Variants in MICAL3 observed in about 807,000 individuals in gnomAD.
The protein encoded by MICAL3 is [F-actin]-monooxygenase MICAL3.
In MICAL3, 62 loss-of-function variants were observed where a neutral mutation model predicts 207.4. The ratio of observed to expected loss-of-function variants is 0.30; its 90% confidence interval spans 0.24 to 0.37. The LOEUF is 0.37. Ranked by LOEUF, MICAL3 falls within the 10% of genes least tolerant of loss-of-function variation. The probability of loss-of-function intolerance (pLI) is 1.00; values close to 1 mark genes in which losing one functional copy is unlikely to be tolerated. For synonymous variants in MICAL3, 1,077 were observed against 1,069.3 expected, an observed-to-expected ratio of 1.01 and a Z score of -0.14; for missense variants, 2,368 against 2,635.6, an observed-to-expected ratio of 0.90 and a Z score of 2.22.
intron 16 of MICAL3, among the ~76,000 whole-genome samples, chr22:17,880,373 G>A (rs991303238): frequency 6.6e-6 from 1 of 152,234 alleles, no homozygotes. Context: ...CTTTCCAGGC[G>A]ACAGCGGACG....
At chr22:17,885,762 T>A in intron 16 of MICAL3, 116 bp downstream of exon 16, 1 of 1,091,152 alleles carries the variant, frequency 9.2e-7, no homozygotes, top group Non-Finnish European at 1.4e-6. Flanking sequence ...GAAAGCCAGA[T>A]GCCAGCCCAC....
intron 19 of MICAL3, among the ~76,000 whole-genome samples, chr22:17,849,175 G>A (rs898877369): frequency 3.3e-5 from 5 of 151,898 alleles, no homozygotes; most frequent in Non-Finnish European, 5.9e-5. Flanking sequence ...ACGACGACAG[G>A]CAGGCTCTAC....
At chr22:17,858,506 C>G (rs1926169996) in intron 19 of MICAL3, 1 of 984,256 alleles carries the variant, frequency 1.0e-6, no homozygotes, top group Non-Finnish European at 1.2e-6. Context: ...CCGTTCAGAG[C>G]TCCACATGGG....
chr22:17,804,406 AC>A (rs2145975243), intron 29 of MICAL3, among the ~76,000 whole-genome samples: 2 of 152,278 alleles, frequency 1.3e-5, no homozygotes, highest in African/African-American at 4.8e-5. Context: ...TTGCAGACCC[AC>A]TTTTGCCGAA....
At chr22:17,851,678 C>A (rs2146102306) in intron 19 of MICAL3, among the ~76,000 whole-genome samples, 1 of 152,304 alleles carries the variant, frequency 6.6e-6, no homozygotes, top group South Asian at 2.1e-4. Context: ...TCCCCAAGAA[C>A]AAATGGGAAC....
At chr22:17,950,152 G>GGGTACAGCTGTCTATTTTTTTTTTT (rs1934261228) in intron 1 of MICAL3, among the ~76,000 whole-genome samples, 1 of 147,606 alleles carries the variant, frequency 6.8e-6, no homozygotes, top group Non-Finnish European at 1.5e-5. Flanking sequence ...GTCATTCACA[G>GGGTACAGCTGTCTATTTTTTTTTTT]GGTACAGCTG....
intron 1 of MICAL3, among the ~76,000 whole-genome samples, chr22:17,915,822 C>A (rs372173777): frequency 6.6e-6 from 1 of 151,872 alleles, no homozygotes; most frequent in Admixed American, 6.6e-5. Flanking sequence ...CTGGGTGTGG[C>A]GACTGATGAC....
chr22:17,860,696 GGCA>G, intron 19 of MICAL3: 1 of 985,426 alleles, frequency 1.0e-6, no homozygotes, highest in South Asian at 4.7e-5. Context: ...GTGGTGTCCT[GGCA>G]GCAGCAGCCC....
Position 17,906,695 on chromosome 22 carries a change from C to A in MICAL3, c.118G>T (p.Glu40Ter). ...KAFQELCDHL[E>*]LKPKDYRSFY... ...GAGCGGTAGTCCTTTGGCTTTAGTT[C>A]CAGGTGGTCACAGAGCTCCTGGAAA... The change falls in exon 2 of 32, where the codon GAA becomes TAA. Residue 40 changes from glutamate to a stop codon, truncating the protein, a stop_gained. Transcript: ENST00000441493. LOFTEE classifies it high-confidence loss of function. 6.2e-7 allele frequency: 1 copy of A among 1,613,934 alleles called. No homozygotes were observed. The highest frequency in any genetic ancestry group is 8.5e-7 in the Non-Finnish European group (1 of 1,179,886).
intron 16 of MICAL3, chr22:17,872,845 T>G: frequency 6.3e-7 from 1 of 1,599,160 alleles, no homozygotes; most frequent in South Asian, 1.1e-5. Flanking sequence ...GTGTACATCT[T>G]TATATACTTC....
At chr22:17,854,115 T>A (rs1925630996) in intron 19 of MICAL3, among the ~76,000 whole-genome samples, 1 of 152,218 alleles carries the variant, frequency 6.6e-6, no homozygotes, top group African/African-American at 2.4e-5. Flanking sequence ...GTCAATGTCA[T>A]GTCCTTTCTT....
chr22:17,907,466 C>T (rs1275910896), intron 1 of MICAL3, among the ~76,000 whole-genome samples: 1 of 152,166 alleles, frequency 6.6e-6, no homozygotes, highest in East Asian at 1.9e-4. Context: ...AGCAGTGAGC[C>T]CCTTCCTCAC....
chr22:17,816,921 A>T (rs1921053921), intron 26 of MICAL3, 137 bp from the exon 27 acceptor site: 4 of 710,514 alleles, frequency 5.6e-6, no homozygotes, highest in Non-Finnish European at 9.5e-6. Context: ...TCCATCCCCC[A>T]TCCTGGGGAG....
At chr22:17,991,044 G>A (rs1038230356) in intron 1 of MICAL3, among the ~76,000 whole-genome samples, 10 of 152,266 alleles carry the variant, frequency 6.6e-5, no homozygotes, top group African/African-American at 2.2e-4. Context: ...GTGGGGCAGC[G>A]CAGCAGAGAT....
chr22:17,942,046 C>T (rs1933830868), intron 1 of MICAL3, among the ~76,000 whole-genome samples: 1 of 152,208 alleles, frequency 6.6e-6, no homozygotes, highest in African/African-American at 2.4e-5. Context: ...CAAGGAGAGG[C>T]GCCCAGCCAC....
At chr22:17,877,574 T>TATGGAGGTG (rs1928966216) in intron 16 of MICAL3, among the ~76,000 whole-genome samples, 2 of 130,362 alleles carry the variant, frequency 1.5e-5, no homozygotes, top group East Asian at 2.4e-4. Flanking sequence ...TTAGGGAGGT[T>TATGGAGGTG]AGGGAAGTTA....
At chr22:17,954,791 G>C (rs9605451) in intron 1 of MICAL3, among the ~76,000 whole-genome samples, 9,428 of 151,072 alleles carry the variant, frequency 0.062, 524 homozygotes, top group African/African-American at 0.15. Context: ...CTGTCGCCCA[G>C]GCTGGAGTGT....
intron 25 of MICAL3, among the ~76,000 whole-genome samples, chr22:17,820,118 G>A (rs1466538745): frequency 6.7e-6 from 1 of 148,602 alleles, no homozygotes; most frequent in Non-Finnish European, 1.5e-5. Context: ...ATGCCAGTCT[G>A]GGCAAGAGAC....
In MICAL3 at chr22:17,899,557, A is replaced by C. The variant is rs754834903; in HGVS notation, c.848-9T>G. ...GTTCTCCAAGTCAATACCTGGGGCCAGAAGACAAACGTGTGCATGTAAGTT... is the reference window on the plus strand; with the variant it reads ...GTTCTCCAAGTCAATACCTGGGGCCCGAAGACAAACGTGTGCATGTAAGTT... On this transcript the variant is annotated splice_polypyrimidine_tract_variant and intron_variant, in intron 6 of 31. Coordinates refer to ENST00000441493, the MANE Select transcript of MICAL3 (RefSeq NM_015241.3). 1 of 1,566,160 alleles carries C rather than the reference A, an allele frequency of 6.4e-7. No individual in the cohort carries two copies.
Sources: allele counts gnomAD v4.1 joint callset (sites outside exome capture counted in the v4.1 genomes callset), GRCh38; gene constraint gnomAD v4.1.1; transcripts MANE v1.5; gene names NCBI Gene and HGNC (gene_info 2026-07-23, HGNC 2026-07-21).